The following ATG3 variants were observed in gnomAD, a reference collection of about 807,000 sequenced individuals.
The protein encoded by ATG3 is autophagy related 3.
ATG3 carries 25 observed loss-of-function variants against 50.7 expected under a neutral mutation model. The observed-to-expected ratio is 0.49, with a 90% CI of 0.36 to 0.69. The LOEUF (loss-of-function observed/expected upper bound fraction) is 0.69, where lower values mean the gene tolerates loss of function less well. Among genes scored for constraint, ATG3 ranks in the 30% least tolerant of loss-of-function variants. The pLI is 0.00. For missense variants in ATG3, 281 were observed against 376.0 expected, an observed-to-expected ratio of 0.75 and a Z score of 2.09; for synonymous variants, 119 against 125.5, an observed-to-expected ratio of 0.95 and a Z score of 0.34.
Position 112,532,668 on chromosome 3 carries a change from A to G in ATG3, c.*31T>C. On this transcript the variant is annotated 3_prime_UTR_variant, in exon 12 of 12. Coordinates refer to ENST00000283290, the MANE Select transcript of ATG3 (RefSeq NM_022488.5). ...GGTTAATTCTTTAAAAATCAGAACCAATAATTAGGATAGATTTTATGCTCT... is the reference window on the plus strand; with the variant it reads ...GGTTAATTCTTTAAAAATCAGAACCGATAATTAGGATAGATTTTATGCTCT... The G allele has an allele frequency of 6.7e-7, 1 of 1,483,458 alleles. No individual in the cohort carries two copies. Among genetic ancestry groups the G allele is most frequent in the Non-Finnish European group, 9.1e-7 (1 of 1,097,514 alleles). 91.9% of individuals were successfully genotyped at this position (1,483,458 alleles called of 1,614,324 possible).
chr3:112,561,781 C>T lies in ATG3; in HGVS notation c.-253G>A. The T allele has an allele frequency of 2.0e-6, 1 of 490,400 alleles. No homozygotes were observed. Among genetic ancestry groups the T allele is most frequent in the Admixed American group, 4.2e-5 (1 of 23,652 alleles). 30.4% of individuals were successfully genotyped at this position (490,400 alleles called of 1,614,324 possible). A position where few individuals can be genotyped will look rare whatever the true frequency, so the allele number is the denominator to read the frequency against. ...GCGACGGACCGGACCCAGCTGTCAC[C>T]CAGCCGCGAGGGAGGGCAGCGGGGC... On this transcript the variant is annotated 5_prime_UTR_variant, in exon 1 of 12. Transcript: ENST00000283290.
chr3:112,558,593 GTATC>G (rs1354043541), intron 1 of ATG3, among the ~76,000 whole-genome samples, 176 bp from the exon 2 acceptor site: 1 of 151,894 alleles, frequency 6.6e-6, no homozygotes, highest in Non-Finnish European at 1.5e-5. Context: ...TACCTCATTG[GTATC>G]TATCTATATC....
In ATG3 at chr3:112,534,376, G is replaced by A. The variant is rs201430369; in HGVS notation, c.795-39C>T. ...AAAAAAAAAATTGTTAATGTAGATC[G>A]ATTAGACCGAAAGAAGAAAAACATA... On this transcript the variant is annotated intron_variant, in intron 10 of 11. Coordinates refer to ENST00000283290, the MANE Select transcript of ATG3 (RefSeq NM_022488.5). The A allele has an allele frequency of 5.3e-4, 782 of 1,462,154 alleles. 9 individuals carry two copies. The African/African-American group carries it at 0.01, about 19-fold the overall frequency. The allele number at this position is 1,462,154 out of a possible 1,614,324, so 90.6% of individuals were successfully genotyped here.
intron 8 of ATG3, 35 bp downstream of exon 8, chr3:112,538,111 T>C: frequency 6.7e-7 from 1 of 1,497,426 alleles, no homozygotes; most frequent in Non-Finnish European, 9.1e-7. Flanking sequence ...AGTTCATCCA[T>C]TAAAAATTAA....
chr3:112,533,962 T>C lies in ATG3; in HGVS notation c.863+307A>G, dbSNP rs940526205. ...TTTTACCTGATGGGAAAGTACATTT[T>C]TGGTAACATGTTAAACTGGAAATGT... is the stretch of plus-strand genomic sequence containing the variant. On this transcript the variant is annotated intron_variant, in intron 11 of 11. Transcript: ENST00000283290. 2.7e-6 allele frequency: 3 copies of C among 1,124,070 alleles called. No homozygotes were observed. In the African/African-American group the frequency reaches 4.8e-5, roughly 18 times the overall value. 69.6% of individuals were successfully genotyped at this position (1,124,070 alleles called of 1,614,324 possible).
intron 2 of ATG3, among the ~76,000 whole-genome samples, chr3:112,554,991 T>C (rs573881209): frequency 4.9e-4 from 74 of 152,324 alleles, no homozygotes; most frequent in African/African-American, 1.8e-3. Context: ...TCGAGCTCAT[T>C]GCAACCAGAT....
chr3:112,545,935 C>T (rs1283290156), intron 5 of ATG3, among the ~76,000 whole-genome samples: 1 of 152,100 alleles, frequency 6.6e-6, no homozygotes, highest in African/African-American at 2.4e-5. Flanking sequence ...AGATTACCCT[C>T]TACAAGATAG....
intron 5 of ATG3, 90 bp from the exon 6 acceptor site, chr3:112,544,196 C>A: frequency 9.4e-7 from 1 of 1,062,100 alleles, no homozygotes; most frequent in South Asian, 1.5e-5. Flanking sequence ...GCTGAAAATT[C>A]TCACAATTTC....
Position 112,534,302 on chromosome 3 carries a change from A to G in ATG3, c.830T>C (p.Val277Ala). The G allele has an allele frequency of 6.2e-7, 1 of 1,600,244 alleles. No individual in the cohort carries two copies. Among genetic ancestry groups the G allele is most frequent in the Non-Finnish European group, 8.5e-7 (1 of 1,173,846 alleles). The change falls in exon 11 of 12, where the codon GTT (valine) becomes GCT (alanine). Residue 277 changes from valine to alanine, a missense_variant. By Grantham distance (64) the Val-to-Ala change is moderately conservative. This residue lies in a region of ATG3 where 242 missense variants were observed against 305.0 expected (regional missense o/e 0.79). Transcript: ENST00000283290. ...AEVMKKIIET[V>A]AEGGGELGVH... ...TCCAAGTTCTCCCCCTCCTTCTGCA[A>G]CAGTCTCAATGATTTTCTTCATCAC... is the stretch of plus-strand genomic sequence containing the variant.
intron 7 of ATG3, among the ~76,000 whole-genome samples, chr3:112,538,882 C>T (rs910671363): frequency 4.6e-5 from 7 of 152,210 alleles, no homozygotes; most frequent in Non-Finnish European, 7.3e-5. Flanking sequence ...TATCACATGT[C>T]TGAAACTGAG....
chr3:112,559,016 G>A (rs537206649), intron 1 of ATG3, among the ~76,000 whole-genome samples: 1 of 152,310 alleles, frequency 6.6e-6, no homozygotes, highest in South Asian at 2.1e-4. Flanking sequence ...TGGGATTACA[G>A]GCGTGAGCCA....
At chr3:112,548,271 G>A (rs1176283763) in intron 5 of ATG3, among the ~76,000 whole-genome samples, 1 of 152,188 alleles carries the variant, frequency 6.6e-6, no homozygotes. Flanking sequence ...AGAATCGCTT[G>A]AACCCGGGAG....
chr3:112,558,595 A>G (rs890671462), intron 1 of ATG3, among the ~76,000 whole-genome samples, 178 bp from the exon 2 acceptor site: 3 of 152,166 alleles, frequency 2.0e-5, no homozygotes, highest in African/African-American at 7.2e-5. Flanking sequence ...CCTCATTGGT[A>G]TCTATCTATA....
chr3:112,556,315 G>C (rs1933678495), intron 2 of ATG3, among the ~76,000 whole-genome samples: 1 of 151,548 alleles, frequency 6.6e-6, no homozygotes, highest in African/African-American at 2.4e-5. Context: ...CCCCTACTGG[G>C]AAGTGAGGAG....
At chr3:112,543,967 G>A in intron 6 of ATG3, 90 bp downstream of exon 6, 1 of 916,752 alleles carries the variant, frequency 1.1e-6, no homozygotes, top group East Asian at 2.6e-5. Flanking sequence ...TTATAAGAAA[G>A]ATATGGTGAT....
chr3:112,538,891 A>T (rs1390752921), intron 7 of ATG3, among the ~76,000 whole-genome samples: 1 of 152,236 alleles, frequency 6.6e-6, no homozygotes, highest in Non-Finnish European at 1.5e-5. Flanking sequence ...TCTGAAACTG[A>T]GTTCCTGACT....
Position 112,561,774 on chromosome 3 carries a change from C to T in ATG3, c.-246G>A. On this transcript the variant is annotated 5_prime_UTR_variant, in exon 1 of 12. Transcript: ENST00000283290. Reference sequence around the variant, plus strand: ...GCAGCCCGCGACGGACCGGACCCAGCTGTCACCCAGCCGCGAGGGAGGGCA... The same window carrying T: ...GCAGCCCGCGACGGACCGGACCCAGTTGTCACCCAGCCGCGAGGGAGGGCA... 2.0e-6 allele frequency: 1 copy of T among 501,240 alleles called. No individual in the cohort carries two copies. The highest frequency in any genetic ancestry group is 3.5e-6 in the Non-Finnish European group (1 of 285,530). 31.0% of individuals were successfully genotyped at this position (501,240 alleles called of 1,614,324 possible).
chr3:112,561,555 C>A lies in ATG3; in HGVS notation c.-27G>T. On this transcript the variant is annotated 5_prime_UTR_variant, in exon 1 of 12. Transcript: ENST00000283290. ...CTGGGGCCGGAGTAGCGGCCGGCCC[C>A]GCGACGGGATGGAAAGTGCAGCCGT... 6.2e-7 allele frequency: 1 copy of A among 1,600,220 alleles called. No homozygotes were observed. Among genetic ancestry groups the A allele is most frequent in the African/African-American group, 1.3e-5 (1 of 74,780 alleles).
chr3:112,546,211 C>T (rs1013115422), intron 5 of ATG3, among the ~76,000 whole-genome samples: 2 of 152,278 alleles, frequency 1.3e-5, no homozygotes, highest in African/African-American at 4.8e-5. Context: ...ATACCTATAC[C>T]TATGCAATAG....
Sources: allele counts gnomAD v4.1 joint callset (sites outside exome capture counted in the v4.1 genomes callset), GRCh38; gene constraint gnomAD v4.1.1; regional missense constraint gnomAD v4.1.1; transcripts MANE v1.5; gene names NCBI Gene and HGNC (gene_info 2026-07-23, HGNC 2026-07-21).